The following SNRNP40 variants were observed in gnomAD, a reference collection of about 807,000 sequenced individuals.
The protein encoded by SNRNP40 is small nuclear ribonucleoprotein U5 subunit 40, also known as U5 small nuclear ribonucleoprotein 40 kDa protein.
A neutral mutation model predicts 45.8 loss-of-function variants in SNRNP40; 21 were observed. That is an observed-to-expected ratio of 0.46 (90% CI 0.32 to 0.66). SNRNP40 has a LOEUF of 0.66. Ranked by LOEUF, SNRNP40 falls within the 30% of genes least tolerant of loss-of-function variation. SNRNP40 has a pLI of 0.03. For missense variants in SNRNP40, 344 were observed against 439.1 expected, an observed-to-expected ratio of 0.78 and a Z score of 1.94; for synonymous variants, 142 against 163.8, an observed-to-expected ratio of 0.87 and a Z score of 1.01.
intron 4 of SNRNP40, among the ~76,000 whole-genome samples, chr1:31,283,791 A>G (rs1646036465): frequency 6.6e-6 from 1 of 152,204 alleles, no homozygotes; most frequent in African/African-American, 2.4e-5. Context: ...TAGAAGGAAA[A>G]AGTAGTCTTC....
chr1:31,295,549 G>A (rs1569684005), intron 1 of SNRNP40, among the ~76,000 whole-genome samples: 1 of 152,196 alleles, frequency 6.6e-6, no homozygotes, highest in Admixed American at 6.5e-5. Flanking sequence ...TGAAGCAGAG[G>A]CTTGGAAGAG....
intron 5 of SNRNP40, among the ~76,000 whole-genome samples, chr1:31,274,466 C>T (rs1645961195): frequency 6.6e-6 from 1 of 152,006 alleles, no homozygotes; most frequent in Non-Finnish European, 1.5e-5. Flanking sequence ...TGGTCTCGAT[C>T]TCTTGACCTT....
At chr1:31,293,044 C>T in intron 2 of SNRNP40, 175 bp downstream of exon 2, 1 of 644,404 alleles carries the variant, frequency 1.6e-6, no homozygotes, top group Non-Finnish European at 2.6e-6. Flanking sequence ...CCCATGGACT[C>T]CAAGTTCTAC....
At chr1:31,284,358 C>T (rs1310617231) in intron 4 of SNRNP40, among the ~76,000 whole-genome samples, 5 of 152,222 alleles carry the variant, frequency 3.3e-5, no homozygotes, top group Non-Finnish European at 5.9e-5. Flanking sequence ...CCATGTTGGC[C>T]AGGCTGGTCT....
At chr1:31,274,798 A>T (rs1645963911) in intron 5 of SNRNP40, among the ~76,000 whole-genome samples, 1 of 152,142 alleles carries the variant, frequency 6.6e-6, no homozygotes, top group South Asian at 2.1e-4. Flanking sequence ...TCCTATTACC[A>T]GGTAGGAAGT....
At chr1:31,265,298 A>T (rs536500228) in intron 8 of SNRNP40, among the ~76,000 whole-genome samples, 1 of 151,558 alleles carries the variant, frequency 6.6e-6, no homozygotes, top group African/African-American at 2.4e-5. Context: ...CTAATTTTTT[A>T]AATATTTTTT....
At chr1:31,285,817 T>C (rs1390111575) in intron 4 of SNRNP40, among the ~76,000 whole-genome samples, 1 of 152,194 alleles carries the variant, frequency 6.6e-6, no homozygotes, top group African/African-American at 2.4e-5. Context: ...CAATTTAGGT[T>C]TGTCTTATGT....
At chr1:31,281,690 G>A (rs929860131) in intron 4 of SNRNP40, 194 bp from the exon 5 acceptor site, 39 of 418,188 alleles carry the variant, frequency 9.3e-5, no homozygotes, top group African/African-American at 7.3e-4. Flanking sequence ...ACATTTGAAG[G>A]CTGGTGAAAC....
Position 31,271,483 on chromosome 1 carries a change from T to C in SNRNP40, c.671A>G (p.Gln224Arg). ...DNDIKVWDLRQNKLTYTMRGH... is the reference protein window; with the variant it reads ...DNDIKVWDLRRNKLTYTMRGH... ...TCTCATGGTGTAGGTTAGCTTGTTCTGGCGCAGGTCCCAGACCTGCAAAAA... is the reference window on the plus strand; with the variant it reads ...TCTCATGGTGTAGGTTAGCTTGTTCCGGCGCAGGTCCCAGACCTGCAAAAA... Residue 224 changes from glutamine to arginine, a missense_variant, in exon 6 of 10, where the codon CAG becomes CGG. Gln to Arg is a conservative substitution (Grantham distance 43). Coordinates refer to ENST00000263694, the MANE Select transcript of SNRNP40 (RefSeq NM_004814.3). 1 of 1,613,232 alleles carries C rather than the reference T, an allele frequency of 6.2e-7. No homozygotes were observed. The highest frequency in any genetic ancestry group is 8.5e-7 in the Non-Finnish European group (1 of 1,179,778).
In SNRNP40 at chr1:31,295,259, A is replaced by T. The variant is rs375336106; in HGVS notation, c.141+1352T>A. Among the ~76,000 whole-genome samples the T allele has an allele frequency of 2.0e-5, 3 of 152,150 alleles. No individual in the cohort carries two copies. The East Asian group carries it at 5.8e-4, about 29-fold the overall frequency. ...GTGTCTGTGGTCCCAGCTACTCAGG[A>T]GGCTGAGGCAGGAGGATCACTTGAG... is the stretch of plus-strand genomic sequence containing the variant. On this transcript the variant is annotated intron_variant, in intron 1 of 9. Coordinates refer to ENST00000263694, the MANE Select transcript of SNRNP40 (RefSeq NM_004814.3).
intron 4 of SNRNP40, among the ~76,000 whole-genome samples, chr1:31,287,806 T>C (rs1646070735): frequency 6.6e-6 from 1 of 152,114 alleles, no homozygotes; most frequent in South Asian, 2.1e-4. Context: ...GAGACCAGCC[T>C]GGCCAATATG....
chr1:31,274,890 C>T (rs1187985057), intron 5 of SNRNP40, among the ~76,000 whole-genome samples: 1 of 152,118 alleles, frequency 6.6e-6, no homozygotes, highest in Non-Finnish European at 1.5e-5. Context: ...AAAGGGTTCC[C>T]ACTCCTTATT....
chr1:31,289,044 A>G (rs1025244316), intron 4 of SNRNP40, among the ~76,000 whole-genome samples: 1 of 152,224 alleles, frequency 6.6e-6, no homozygotes, highest in African/African-American at 2.4e-5. Context: ...TTCAAGTAAC[A>G]ATTTATTCTA....
rs763105200 is a variant in SNRNP40 at position 31,289,423 on chromosome 1, G to C, written c.366-4C>G. 3 of 1,604,946 alleles carry C rather than the reference G, an allele frequency of 1.9e-6. No homozygotes were observed. Among genetic ancestry groups the C allele is most frequent in the East Asian group, 2.2e-5 (1 of 44,844 alleles). On this transcript the variant is annotated splice_polypyrimidine_tract_variant and splice_region_variant and intron_variant, in intron 3 of 9. Transcript: ENST00000263694. ...TGTGGATGCTGAGAAAAGCATACTAGAAAGTAAGAGAAAGAATAAAAAAGA... is the reference window on the plus strand; with the variant it reads ...TGTGGATGCTGAGAAAAGCATACTACAAAGTAAGAGAAAGAATAAAAAAGA...
intron 4 of SNRNP40, among the ~76,000 whole-genome samples, chr1:31,285,051 T>C (rs1373792942): frequency 3.3e-5 from 5 of 152,198 alleles, no homozygotes; most frequent in Non-Finnish European, 7.3e-5. Flanking sequence ...TATCTTTGTC[T>C]TTCTCCTAAA....
intron 1 of SNRNP40, among the ~76,000 whole-genome samples, chr1:31,293,561 C>A (rs540368494): frequency 6.6e-6 from 1 of 152,254 alleles, no homozygotes; most frequent in Admixed American, 6.5e-5. Context: ...CTCTCTTGTT[C>A]ACTCTCTCAG....
rs57616084 is a variant in SNRNP40, at chr1:31,281,981, A to G, written c.532-485T>C. On this transcript the variant is annotated intron_variant, in intron 4 of 9. Transcript: ENST00000263694. Reference sequence around the variant, plus strand: ...TAACCAGCAAAATCTGTCAGAATCAACTGTTGGAACTCTCAAAACTAATCA... The same window carrying G: ...TAACCAGCAAAATCTGTCAGAATCAGCTGTTGGAACTCTCAAAACTAATCA... 894 of 152,902 alleles carry G rather than the reference A, an allele frequency of 5.8e-3. 71 individuals are homozygous for G. The East Asian group carries it at 0.15, about 25-fold the overall frequency. The allele number at this position is 152,902 out of a possible 1,614,324, so 9.5% of individuals were successfully genotyped here.
intron 5 of SNRNP40, among the ~76,000 whole-genome samples, chr1:31,274,883 G>A (rs1645964352): frequency 6.6e-6 from 1 of 152,056 alleles, no homozygotes. Flanking sequence ...ATTTTAAAAA[G>A]GGTTCCCACT....
intron 4 of SNRNP40, among the ~76,000 whole-genome samples, chr1:31,287,430 A>G (rs552675130): frequency 2.0e-5 from 3 of 152,328 alleles, no homozygotes; most frequent in Non-Finnish European, 2.9e-5. Flanking sequence ...AGGCAGACAG[A>G]AAGGACATAT....
Sources: allele counts gnomAD v4.1 joint callset (sites outside exome capture counted in the v4.1 genomes callset), GRCh38; gene constraint gnomAD v4.1.1; transcripts MANE v1.5; gene names NCBI Gene and HGNC (gene_info 2026-07-23, HGNC 2026-07-21).